ABRAXAS1: variants seen among roughly 807,000 people sequenced by gnomAD.
ABRAXAS1 encodes abraxas 1, BRCA1 A complex subunit, also known as BRCA1-A complex subunit Abraxas 1.
Under a neutral mutation model 38.4 loss-of-function variants are expected in ABRAXAS1, and 26 were observed. The ratio of observed to expected loss-of-function variants is 0.68; its 90% CI spans 0.50 to 0.94. The LOEUF is 0.94. ABRAXAS1 is among the 40% of genes least tolerant of loss of function. ABRAXAS1 has a pLI of 0.00. For missense variants in ABRAXAS1, 438 were observed against 481.9 expected, an observed-to-expected ratio of 0.91 and a Z score of 0.85; for synonymous variants, 144 against 165.5, an observed-to-expected ratio of 0.87 and a Z score of 1.00.
chr4:83,475,687 T>C (rs888599748), intron 3 of ABRAXAS1, among the ~76,000 whole-genome samples: 1 of 152,208 alleles, frequency 6.6e-6, no homozygotes, highest in South Asian at 2.1e-4. Context: ...GCGTGGTTTA[T>C]ATAAATCATA....
intron 2 of ABRAXAS1, chr4:83,478,389 A>G (rs577969261): frequency 5.4e-6 from 3 of 560,632 alleles, no homozygotes; most frequent in African/African-American, 3.8e-5. Context: ...CATTCTTTAA[A>G]TTACATATGA....
In ABRAXAS1 at chr4:83,461,439, T is replaced by A. The variant is rs1303021346; in HGVS notation, c.*1030A>T. 4.3e-6 allele frequency: 2 copies of A among 463,148 alleles called. No homozygotes were observed. The highest frequency in any genetic ancestry group is 7.9e-6 in the Non-Finnish European group (2 of 252,302). The allele number at this position is 463,148 out of a possible 1,614,324, so 28.7% of individuals were successfully genotyped here. A position where few individuals can be genotyped will look rare whatever the true frequency, so the allele number is the denominator to read the frequency against. On this transcript the variant is annotated 3_prime_UTR_variant, in exon 9 of 9. Coordinates refer to ENST00000321945, the MANE Select transcript of ABRAXAS1 (RefSeq NM_139076.3). The stretch of plus-strand genomic sequence containing the variant: ...TTGTCATTTATATCTGATCCCCAAA[T>A]AGCTCATACAATAATCCATTCAATA...
At position 83,471,191 on chromosome 4, in the gene ABRAXAS1, CTTTTTTTTTTTTT is replaced by C. The variant is rs869128932; in HGVS notation, c.283-808_283-796del. ...CAAACATATTTGTTGAAAGAAACAT[CTTTTTTTTTTTTT>C]TTTTTTTTTTTTTTTTTTTGAGACA... is the stretch of plus-strand genomic sequence containing the variant. On this transcript the variant is annotated intron_variant, in intron 4 of 8. Transcript: ENST00000321945. Among the ~76,000 whole-genome samples the C allele has an allele frequency of 2.2e-3, 126 of 58,196 alleles. 1 individual carries two copies. In the East Asian group the frequency reaches 0.042, roughly 19 times the overall value. The allele number at this position is 58,196 out of a possible 152,430, so 38.2% of individuals were successfully genotyped here. A position where few individuals can be genotyped will look rare whatever the true frequency, so the allele number is the denominator to read the frequency against.
At position 83,459,596 on chromosome 4, in the gene ABRAXAS1, C is replaced by A; in HGVS notation, c.*2873G>T. ...TATTTAAAAGGTAACAGGAGGATAA[C>A]AATATTTTTTTCTTATATTTTATGA... On this transcript the variant is annotated 3_prime_UTR_variant, in exon 9 of 9. Coordinates refer to ENST00000321945, the MANE Select transcript of ABRAXAS1 (RefSeq NM_139076.3). 1.5e-6 allele frequency: 1 copy of A among 659,762 alleles called. No individual in the cohort carries two copies. The highest frequency in any genetic ancestry group is 2.6e-6 in the Non-Finnish European group (1 of 386,928). The allele number at this position is 659,762 out of a possible 1,614,324, so 40.9% of individuals were successfully genotyped here.
chr4:83,483,061 G>T (rs1221171669), intron 1 of ABRAXAS1, among the ~76,000 whole-genome samples: 1 of 152,188 alleles, frequency 6.6e-6, no homozygotes, highest in Non-Finnish European at 1.5e-5. Context: ...GGTACGAAAT[G>T]ACAAGATTAG....
At chr4:83,470,783 A>T (rs1284510487) in intron 4 of ABRAXAS1, among the ~76,000 whole-genome samples, 1 of 152,232 alleles carries the variant, frequency 6.6e-6, no homozygotes, top group African/African-American at 2.4e-5. Flanking sequence ...AATCGCCTGT[A>T]TGGACACTTG....
chr4:83,465,155 G>A (rs989732072), intron 7 of ABRAXAS1, among the ~76,000 whole-genome samples: 5 of 151,838 alleles, frequency 3.3e-5, no homozygotes, highest in African/African-American at 2.4e-5. Flanking sequence ...AATTAGCCTG[G>A]CGTAGTGGTG....
chr4:83,479,648 T>C (rs1200625286), intron 2 of ABRAXAS1: 1 of 152,154 alleles, frequency 6.6e-6, no homozygotes, highest in Non-Finnish European at 1.5e-5. Flanking sequence ...GGTACGTCTA[T>C]ACAACAGGAT....
intron 7 of ABRAXAS1, among the ~76,000 whole-genome samples, chr4:83,466,613 G>A (rs1055866481): frequency 6.6e-6 from 1 of 150,962 alleles, no homozygotes; most frequent in Non-Finnish European, 1.5e-5. Flanking sequence ...TTGGCTCACT[G>A]CAAGCTCCAT....
chr4:83,459,584 A>G lies in ABRAXAS1; in HGVS notation c.*2885T>C. On this transcript the variant is annotated 3_prime_UTR_variant, in exon 9 of 9. Coordinates refer to ENST00000321945, the MANE Select transcript of ABRAXAS1 (RefSeq NM_139076.3). ...CTGGATAGAAAATATTTAAAAGGTA[A>G]CAGGAGGATAACAATATTTTTTTCT... The G allele has an allele frequency of 3.2e-6, 2 of 618,256 alleles. No individual in the cohort carries two copies. 38.3% of individuals were successfully genotyped at this position (618,256 alleles called of 1,614,324 possible).
intron 2 of ABRAXAS1, among the ~76,000 whole-genome samples, 159 bp downstream of exon 2, chr4:83,481,995 T>C (rs1209260289): frequency 1.3e-5 from 2 of 152,160 alleles, no homozygotes; most frequent in Non-Finnish European, 2.9e-5. Flanking sequence ...GTAATCCGCC[T>C]CGGCCTCCCA....
Position 83,467,462 on chromosome 4 carries a change from C to G in ABRAXAS1, c.673G>C (p.Glu225Gln). The G allele has an allele frequency of 1.3e-6, 2 of 1,516,896 alleles. No homozygotes were observed. The highest frequency in any genetic ancestry group is 2.7e-5 in the African/African-American group (2 of 73,134). 94.0% of individuals were successfully genotyped at this position (1,516,896 alleles called of 1,614,324 possible). Residue 225 changes from glutamate (E) to glutamine (Q), a missense_variant, in exon 7 of 9, where the codon GAA becomes CAA. Physicochemically the swap from Glu to Gln is conservative, Grantham distance 29. Coordinates refer to ENST00000321945, the MANE Select transcript of ABRAXAS1 (RefSeq NM_139076.3). ...INEMYASLQEELKSICKKVED... is the reference protein window; with the variant it reads ...INEMYASLQEQLKSICKKVED... Reference sequence around the variant, plus strand: ...TTGATATGTTAACTTACCTTTAATTCCTCTTGTAATGAAGCATACATTTCA... The same window carrying G: ...TTGATATGTTAACTTACCTTTAATTGCTCTTGTAATGAAGCATACATTTCA...
In ABRAXAS1 at chr4:83,461,594, T is replaced by C; in HGVS notation, c.*875A>G. 1 of 291,710 alleles carries C rather than the reference T, an allele frequency of 3.4e-6. No individual in the cohort carries two copies. The highest frequency in any genetic ancestry group is 6.6e-6 in the Non-Finnish European group (1 of 151,856). 18.1% of individuals were successfully genotyped at this position (291,710 alleles called of 1,614,324 possible). A position where few individuals can be genotyped will look rare whatever the true frequency, so the allele number is the denominator to read the frequency against. ...GGTGCTGTCACAGAAGGACAAAATA[T>C]TCCTAGACGAGTCTACCCTCAAACC... On this transcript the variant is annotated 3_prime_UTR_variant, in exon 9 of 9. Transcript: ENST00000321945.
intron 8 of ABRAXAS1, 113 bp downstream of exon 8, chr4:83,463,381 T>A: frequency 1.6e-6 from 1 of 635,838 alleles, no homozygotes; most frequent in Non-Finnish European, 2.5e-6. Flanking sequence ...TGCAGTAAGC[T>A]GAGATCACAC....
intron 3 of ABRAXAS1, among the ~76,000 whole-genome samples, chr4:83,475,246 A>G (rs1250014120): frequency 6.6e-6 from 1 of 152,148 alleles, no homozygotes; most frequent in Non-Finnish European, 1.5e-5. Flanking sequence ...TCTAACAAAT[A>G]TTTTTGTATG....
At chr4:83,472,144 GT>G in intron 4 of ABRAXAS1, 77 bp downstream of exon 4, 1 of 860,872 alleles carries the variant, frequency 1.2e-6, no homozygotes, top group Non-Finnish European at 1.8e-6. Flanking sequence ...TAAAAATTCT[GT>G]CAAAGTACTG....
Position 83,462,615 on chromosome 4 carries a change from A to G in ABRAXAS1, c.1084T>C (p.Leu362=), listed in dbSNP as rs771137917. The G allele has an allele frequency of 1.2e-6, 2 of 1,614,082 alleles. No individual in the cohort carries two copies. The highest frequency in any genetic ancestry group is 1.7e-6 in the Non-Finnish European group (2 of 1,180,016). ...DDRWQFKRSR[L]LDTQDKRSKA... is the part of the protein sequence containing the mutation. ...GATCGTTTGTCTTGTGTATCTAACA[A>G]CCGAGATCTCTTGAATTGCCATCTG... is the stretch of plus-strand genomic sequence containing the variant. Residue 362 remains leucine, a synonymous_variant, in exon 9 of 9, where the codon TTG becomes CTG. Transcript: ENST00000321945.
In ABRAXAS1 at chr4:83,461,144, G is replaced by T; in HGVS notation, c.*1325C>A. ...AGGGTTTATGCCAGTTACATACAAG[G>T]ATCCTGCATATCTCAAGGACCCTAA... On this transcript the variant is annotated 3_prime_UTR_variant, in exon 9 of 9. Coordinates refer to ENST00000321945, the MANE Select transcript of ABRAXAS1 (RefSeq NM_139076.3). 4 of 1,613,444 alleles carry T rather than the reference G, an allele frequency of 2.5e-6. No homozygotes were observed. Among genetic ancestry groups the T allele is most frequent in the Non-Finnish European group, 3.4e-6 (4 of 1,179,826 alleles).
chr4:83,480,074 A>T (rs897682285), intron 2 of ABRAXAS1: 18 of 209,578 alleles, frequency 8.6e-5, no homozygotes, highest in Non-Finnish European at 1.2e-4. Context: ...GTAAATAAAA[A>T]GTATACACAT....
Sources: allele counts gnomAD v4.1 joint callset (sites outside exome capture counted in the v4.1 genomes callset), GRCh38; gene constraint gnomAD v4.1.1; transcripts MANE v1.5; gene names NCBI Gene and HGNC (gene_info 2026-07-23, HGNC 2026-07-21).